Variants in NINJ2 observed in about 807,000 individuals in gnomAD.
The protein encoded by NINJ2 is ninjurin 2.
In NINJ2, 12 loss-of-function variants were observed where a neutral mutation model predicts 11.7. The observed-to-expected ratio is 1.02, with a 90% CI of 0.66 to 1.66. NINJ2 has a LOEUF of 1.66. NINJ2 is among the 40% of genes most tolerant of loss of function. The pLI, the probability that NINJ2 is intolerant of heterozygous loss-of-function variation, is 0.00. For missense variants in NINJ2, 187 were observed against 181.8 expected, an observed-to-expected ratio of 1.03 and a Z score of -0.16; for synonymous variants, 93 against 76.8, an observed-to-expected ratio of 1.21 and a Z score of -1.10.
At chr12:638,061 A>G (rs1008036566) in intron 1 of NINJ2, among the ~76,000 whole-genome samples, 1 of 152,238 alleles carries the variant, frequency 6.6e-6, no homozygotes, top group Non-Finnish European at 1.5e-5. Flanking sequence ...GGCCTCTACC[A>G]GAAGGTGGGA....
chr12:645,977 T>A (rs778389618), intron 1 of NINJ2: 1 of 152,168 alleles, frequency 6.6e-6, no homozygotes, highest in Admixed American at 6.5e-5. Context: ...TGACTTCTTA[T>A]GGGAGGAGGA....
chr12:586,164 A>G (rs989790823), intron 1 of NINJ2: 1 of 152,334 alleles, frequency 6.6e-6, no homozygotes, highest in African/African-American at 2.4e-5. Context: ...TCAAGATGGC[A>G]AAAGCAGAGA....
chr12:638,184 C>T (rs1425775836), intron 1 of NINJ2, among the ~76,000 whole-genome samples: 4 of 152,204 alleles, frequency 2.6e-5, no homozygotes. Flanking sequence ...GCAGAGACAC[C>T]TGTGTGCTCC....
intron 1 of NINJ2, among the ~76,000 whole-genome samples, chr12:659,009 G>A (rs557561103): frequency 3.1e-4 from 46 of 148,552 alleles, no homozygotes; most frequent in Non-Finnish European, 5.9e-4. Flanking sequence ...TACATATATA[G>A]TTGCTATTCT....
chr12:610,554 A>T, intron 1 of NINJ2: 1 of 1,459,382 alleles, frequency 6.9e-7, no homozygotes, highest in Admixed American at 2.4e-5. Flanking sequence ...TGCCCACCAC[A>T]GCTTCACTGG....
intron 1 of NINJ2, among the ~76,000 whole-genome samples, chr12:605,443 C>G (rs1947929981): frequency 6.6e-6 from 1 of 152,336 alleles, no homozygotes; most frequent in Middle Eastern, 3.4e-3. Context: ...GCCTGTAGTC[C>G]CAGCTATTTG....
At chr12:643,542 C>T in intron 1 of NINJ2, 1 of 988,088 alleles carries the variant, frequency 1.0e-6, no homozygotes, top group Non-Finnish European at 1.2e-6. Context: ...CTCCCAAGAC[C>T]TGTGGGGCGT....
At chr12:611,501 C>T (rs1186085441) in intron 1 of NINJ2, among the ~76,000 whole-genome samples, 1 of 152,036 alleles carries the variant, frequency 6.6e-6, no homozygotes, top group Non-Finnish European at 1.5e-5. Context: ...CCACACCCAG[C>T]TAATTTTTGT....
Position 660,204 on chromosome 12 carries a change from CTT to C in NINJ2, c.33+3122_33+3123del, listed in dbSNP as rs1398113933. 2.0e-5 allele frequency among the ~76,000 whole-genome samples: 3 copies of C among 147,952 alleles called. No homozygotes were observed. The East Asian group carries it at 6.1e-4, about 30-fold the overall frequency. ...TTAGGAGGCTGAGGCAGGAGGATAA[CTT>C]GGGCCCAGGAGGTTAAGGCTGCAGT... On this transcript the variant is annotated intron_variant, in intron 1 of 3. Coordinates refer to ENST00000305108, the MANE Select transcript of NINJ2 (RefSeq NM_016533.6).
intron 1 of NINJ2, among the ~76,000 whole-genome samples, chr12:658,708 A>AGTTTTGGAAGAAAC (rs1937910566): frequency 1.2e-5 from 1 of 84,166 alleles, no homozygotes; most frequent in Non-Finnish European, 2.5e-5. Context: ...ATGCTATGCT[A>AGTTTTGGAAGAAAC]TGCTATGCTA....
At chr12:599,124 G>C (rs1170834584) in intron 1 of NINJ2, among the ~76,000 whole-genome samples, 2 of 151,286 alleles carry the variant, frequency 1.3e-5, no homozygotes, top group Admixed American at 6.6e-5. Flanking sequence ...GATCATGGCT[G>C]TAATCCCAGC....
rs1948305302 is a variant in NINJ2 at position 633,359 on chromosome 12, A to G, written c.33+29969T>C. ...CTAAAAATACAAAAATTAGCCAGACATGGTGGCACGTGCCTGTAATCCCAG... is the reference window on the plus strand; with the variant it reads ...CTAAAAATACAAAAATTAGCCAGACGTGGTGGCACGTGCCTGTAATCCCAG... On this transcript the variant is annotated intron_variant, in intron 1 of 3. Coordinates refer to ENST00000305108, the MANE Select transcript of NINJ2 (RefSeq NM_016533.6). The surrounding 1 kb of genome is among the most constrained non-coding windows in gnomAD (Gnocchi z 4.3). Among the ~76,000 whole-genome samples, 1 of 152,130 alleles carries G rather than the reference A, an allele frequency of 6.6e-6. No individual in the cohort carries two copies. The highest frequency in any genetic ancestry group is 1.5e-5 in the Non-Finnish European group (1 of 68,002).
At chr12:639,109 C>T (rs377721286) in intron 1 of NINJ2, among the ~76,000 whole-genome samples, 41 of 152,108 alleles carry the variant, frequency 2.7e-4, no homozygotes, top group African/African-American at 9.6e-4. Flanking sequence ...CTGGTCCATC[C>T]GTTTATTTCC....
rs1031056547 is a variant in NINJ2 at position 643,491 on chromosome 12, C to T, written c.33+19837G>A. The T allele has an allele frequency of 8.1e-6, 8 of 988,146 alleles. No homozygotes were observed. The East Asian group carries it at 9.1e-4, about 112-fold the overall frequency. The allele number at this position is 988,146 out of a possible 1,614,324, so 61.2% of individuals were successfully genotyped here. On this transcript the variant is annotated intron_variant, in intron 1 of 3. Coordinates refer to ENST00000305108, the MANE Select transcript of NINJ2 (RefSeq NM_016533.6). Reference sequence around the variant, plus strand: ...AGAAAGACCCGATTCGGGAACACGGCTTTGTCCCTGGAACTGTACCTCATG... The same window carrying T: ...AGAAAGACCCGATTCGGGAACACGGTTTTGTCCCTGGAACTGTACCTCATG...
At chr12:587,911 A>G (rs564734815) in intron 1 of NINJ2, among the ~76,000 whole-genome samples, 1 of 152,176 alleles carries the variant, frequency 6.6e-6, no homozygotes, top group African/African-American at 2.4e-5. Flanking sequence ...TGGACGGTGA[A>G]CTCCTTCAGG....
At chr12:634,282 T>TTTTTTTTTTTTTTTTTTTTTTTTTTTTC (rs1948319251) in intron 1 of NINJ2, among the ~76,000 whole-genome samples, 1 of 131,324 alleles carries the variant, frequency 7.6e-6, no homozygotes, top group Admixed American at 7.8e-5. Context: ...TTTTTTTTTT[T>TTTTTTTTTTTTTTTTTTTTTTTTTTTTC]TTTTTTTTGC....
At chr12:607,182 C>A (rs1169561070) in intron 1 of NINJ2, among the ~76,000 whole-genome samples, 8 of 152,130 alleles carry the variant, frequency 5.3e-5, no homozygotes, top group Admixed American at 5.2e-4. Flanking sequence ...CAGGCCTCCC[C>A]CAGATCTACT....
At chr12:589,955 G>A (rs1049658572) in intron 1 of NINJ2, among the ~76,000 whole-genome samples, 1 of 152,206 alleles carries the variant, frequency 6.6e-6, no homozygotes, top group African/African-American at 2.4e-5. Context: ...GGGTCCTAGG[G>A]TACAGGTGGA....
intron 1 of NINJ2, among the ~76,000 whole-genome samples, chr12:630,423 G>C (rs1948265048): frequency 6.6e-6 from 1 of 152,138 alleles, no homozygotes; most frequent in Non-Finnish European, 1.5e-5. Context: ...TGCCCAGGCT[G>C]GAGTGCAGTG....
Sources: allele counts gnomAD v4.1 joint callset (sites outside exome capture counted in the v4.1 genomes callset), GRCh38; gene constraint gnomAD v4.1.1; non-coding constraint Gnocchi (gnomAD v3.1); transcripts MANE v1.5; gene names NCBI Gene and HGNC (gene_info 2026-07-23, HGNC 2026-07-21).